The following GRM5 variants were observed in gnomAD, a reference collection of about 807,000 sequenced individuals.
GRM5 encodes glutamate metabotropic receptor 5.
GRM5 carries 19 observed loss-of-function variants against 83.1 expected under a neutral mutation model. That is an observed-to-expected ratio of 0.23 (90% CI 0.16 to 0.34). GRM5 has a LOEUF of 0.34. Among genes scored for constraint, GRM5 ranks in the 10% least tolerant of loss-of-function variants. The pLI, the probability that GRM5 is intolerant of heterozygous loss-of-function variation, is 1.00. For synonymous variants in GRM5, 675 were observed against 633.6 expected (o/e 1.07, Z -0.98); for missense variants, 1,160 against 1,588.3 (o/e 0.73, Z 4.58).
rs538494787 is a variant in GRM5, at chr11:88,509,292, G to T, written c.2939C>A (p.Ala980Glu). 4.7e-6 allele frequency: 7 copies of T among 1,491,232 alleles called. No individual in the cohort carries two copies. In the Admixed American group the frequency reaches 1.8e-4, roughly 37 times the overall value. 92.4% of individuals were successfully genotyped at this position (1,491,232 alleles called of 1,614,324 possible). The stretch of plus-strand genomic sequence containing the variant: ...GCCTGGGCCGGCGCCTGCGCAGCCC[G>T]CACCGCCCGTGGCCCCCACGCCCCC... ...SAGGVGATGGAGCAGAGPGGP... is the reference protein window; with the variant it reads ...SAGGVGATGGEGCAGAGPGGP... Residue 980 changes from alanine to glutamate, a missense_variant, in exon 10 of 10, where the codon GCG (alanine) becomes GAG (glutamate). Around this residue, in one of 9 missense-constraint regions of GRM5, gnomAD observed 562 missense variants for 532.4 expected, o/e 1.06. Transcript: ENST00000305447.
chr11:88,840,219 T>C (rs1026981449), intron 3 of GRM5, among the ~76,000 whole-genome samples: 6 of 152,182 alleles, frequency 3.9e-5, no homozygotes, highest in Non-Finnish European at 5.9e-5. Context: ...AGCTTTAATT[T>C]CAGTCCCTGT....
chr11:88,758,912 G>A (rs1415681552), intron 3 of GRM5, among the ~76,000 whole-genome samples: 3 of 152,096 alleles, frequency 2.0e-5, no homozygotes, highest in Non-Finnish European at 4.4e-5. Context: ...AACCCTACAA[G>A]CCAGAAGAGA....
chr11:88,841,264 G>A (rs1250634046), intron 3 of GRM5, among the ~76,000 whole-genome samples: 1 of 152,046 alleles, frequency 6.6e-6, no homozygotes, highest in Non-Finnish European at 1.5e-5. Flanking sequence ...ATGGTGTCTT[G>A]GAACTTGTCT....
intron 2 of GRM5, among the ~76,000 whole-genome samples, chr11:89,015,134 A>G (rs2135098008): frequency 1.3e-5 from 2 of 152,278 alleles, no homozygotes; most frequent in Middle Eastern, 6.8e-3. Flanking sequence ...TTGAACTTGG[A>G]CTCGTCACTT....
At chr11:88,942,853 T>C (rs1365796283) in intron 2 of GRM5, among the ~76,000 whole-genome samples, 2 of 152,090 alleles carry the variant, frequency 1.3e-5, no homozygotes, top group East Asian at 3.9e-4. Context: ...TTTAACATCA[T>C]TGTTATCTCA....
chr11:89,047,927 G>C lies in GRM5; in HGVS notation c.-55C>G, dbSNP rs201911149. ...TAGCATGGTGGGGAAAATTCAGGAG[G>C]GTTCTGATAGCTACGAACAAGCGAT... On this transcript the variant is annotated 5_prime_UTR_variant, in exon 2 of 10. Transcript: ENST00000305447. The surrounding 1 kb of genome is among the most constrained non-coding windows in gnomAD (Gnocchi z 5.1). 1.5e-6 allele frequency: 2 copies of C among 1,351,796 alleles called. No individual in the cohort carries two copies. Among genetic ancestry groups the C allele is most frequent in the Non-Finnish European group, 1.0e-6 (1 of 954,676 alleles). The allele number at this position is 1,351,796 out of a possible 1,614,324, so 83.7% of individuals were successfully genotyped here. A position where few individuals can be genotyped will look rare whatever the true frequency, so the allele number is the denominator to read the frequency against.
chr11:88,608,010 G>A (rs1024957082), intron 4 of GRM5, among the ~76,000 whole-genome samples: 10 of 152,184 alleles, frequency 6.6e-5, no homozygotes, highest in African/African-American at 2.4e-5. Flanking sequence ...AGTAAGTCAT[G>A]TGACCCCAGG....
chr11:88,656,961 A>G (rs1499044), intron 3 of GRM5, among the ~76,000 whole-genome samples: 108,275 of 151,912 alleles, frequency 0.71, 43,488 homozygotes, highest in South Asian at 0.92. Flanking sequence ...TATTGGTGGG[A>G]TGAGAGGAGG....
intron 6 of GRM5, among the ~76,000 whole-genome samples, chr11:88,592,665 ATAACT>A (rs1179442629): frequency 1.3e-5 from 2 of 152,236 alleles, no homozygotes; most frequent in African/African-American, 2.4e-5. Context: ...ATCAATAGTG[ATAACT>A]TAATATGTTT....
intron 1 of GRM5, among the ~76,000 whole-genome samples, chr11:89,056,483 C>T (rs905558667): frequency 7.2e-5 from 11 of 152,046 alleles, no homozygotes; most frequent in Admixed American, 7.2e-4. Flanking sequence ...CGTAAAGAGC[C>T]TTTTTTCATT....
chr11:88,888,133 C>G lies in GRM5; in HGVS notation c.662-37978G>C, dbSNP rs181186889. Among the ~76,000 whole-genome samples, 889 of 152,240 alleles carry G rather than the reference C, an allele frequency of 5.8e-3. 9 individuals carry two copies. Among genetic ancestry groups the G allele is most frequent in the Non-Finnish European group, 7.0e-3 (474 of 68,026 alleles). ...GGTGATGCCACCAGGATTCAAGTAC[C>G]CTTCTCATTGCAGGACCTCAGGCAA... On this transcript the variant is annotated intron_variant, in intron 2 of 9. Transcript: ENST00000305447.
intron 2 of GRM5, among the ~76,000 whole-genome samples, chr11:89,025,175 T>C (rs1049639328): frequency 2.0e-5 from 3 of 152,280 alleles, no homozygotes; most frequent in African/African-American, 7.2e-5. Flanking sequence ...CCTTTTCTAG[T>C]CCGAAGAGAA....
intron 2 of GRM5, among the ~76,000 whole-genome samples, chr11:88,982,479 AATT>A (rs1356768627): frequency 6.6e-5 from 10 of 152,106 alleles, no homozygotes; most frequent in African/African-American, 2.4e-4. Context: ...TATCTGTAAT[AATT>A]CTTTTAATTT....
intron 3 of GRM5, among the ~76,000 whole-genome samples, chr11:88,836,294 G>T (rs976375637): frequency 6.6e-6 from 1 of 152,132 alleles, no homozygotes; most frequent in African/African-American, 2.4e-5. Flanking sequence ...CAATGAATGC[G>T]ACTATGTTCC....
At chr11:88,901,443 C>A (rs1180617679) in intron 2 of GRM5, among the ~76,000 whole-genome samples, 1 of 152,102 alleles carries the variant, frequency 6.6e-6, no homozygotes, top group Admixed American at 6.6e-5. Flanking sequence ...CAACCTAGTT[C>A]TTTCTGACTC....
intron 8 of GRM5, among the ~76,000 whole-genome samples, chr11:88,531,314 C>T (rs1040478284): frequency 2.6e-5 from 4 of 151,876 alleles, no homozygotes; most frequent in South Asian, 2.1e-4. Flanking sequence ...TTTAGTGAAG[C>T]GGTTGAATAA....
At chr11:88,534,880 G>A (rs1942099110) in intron 8 of GRM5, among the ~76,000 whole-genome samples, 1 of 152,148 alleles carries the variant, frequency 6.6e-6, no homozygotes, top group African/African-American at 2.4e-5. Flanking sequence ...TGTTCTCATG[G>A]TAGTGAGTAA....
rs189480534 is a variant in GRM5, at chr11:88,839,481, T to C, written c.911+10425A>G. Reference sequence around the variant, plus strand: ...AATTTTAAAACTACAAATTAAAACATTGTGATGCCATTTTCATTCATAATA... The same window carrying C: ...AATTTTAAAACTACAAATTAAAACACTGTGATGCCATTTTCATTCATAATA... On this transcript the variant is annotated intron_variant, in intron 3 of 9. Transcript: ENST00000305447. Among the ~76,000 whole-genome samples, 870 of 152,308 alleles carry C rather than the reference T, an allele frequency of 5.7e-3. 2 individuals carry two copies. Among genetic ancestry groups the C allele is most frequent in the Non-Finnish European group, 8.4e-3 (572 of 67,998 alleles).
intron 1 of GRM5, among the ~76,000 whole-genome samples, chr11:89,062,851 C>T (rs1404772618): frequency 2.0e-5 from 3 of 152,256 alleles, no homozygotes; most frequent in African/African-American, 7.2e-5. Context: ...TTCCCTAAGT[C>T]GCTGTAGCCT....
Sources: allele counts gnomAD v4.1 joint callset (sites outside exome capture counted in the v4.1 genomes callset), GRCh38; gene constraint gnomAD v4.1.1; regional missense constraint gnomAD v4.1.1; non-coding constraint Gnocchi (gnomAD v3.1); transcripts MANE v1.5; gene names NCBI Gene and HGNC (gene_info 2026-07-23, HGNC 2026-07-21).